Variants in IL1RL1 observed in about 807,000 individuals in gnomAD.
The protein encoded by IL1RL1 is interleukin-1 receptor-like 1.
IL1RL1 carries 32 observed loss-of-function variants against 50.9 expected under a neutral mutation model. The ratio of observed to expected loss-of-function variants is 0.63; its 90% CI spans 0.47 to 0.84. The LOEUF (loss-of-function observed/expected upper bound fraction) is 0.84, where lower values mean the gene tolerates loss of function less well. IL1RL1 is among the 40% of genes least tolerant of loss of function. The probability of loss-of-function intolerance (pLI) is 0.00; values close to 1 mark genes in which losing one functional copy is unlikely to be tolerated. For missense variants in IL1RL1, 773 were observed against 662.9 expected, an observed-to-expected ratio of 1.17 and a Z score of -1.82; for synonymous variants, 275 against 236.0, an observed-to-expected ratio of 1.17 and a Z score of -1.51.
chr2:102,336,329 C>A (rs1228410762), intron 1 of IL1RL1, among the ~76,000 whole-genome samples: 1 of 152,124 alleles, frequency 6.6e-6, no homozygotes, highest in East Asian at 1.9e-4. Context: ...AATAATAGCG[C>A]CTGCCACATT....
intron 1 of IL1RL1, chr2:102,313,024 T>C (rs982492014): frequency 2.0e-5 from 3 of 152,192 alleles, no homozygotes; most frequent in Non-Finnish European, 4.4e-5. Context: ...CATAATCATC[T>C]AATTTTGGCT....
At chr2:102,341,302 G>A in intron 5 of IL1RL1, 3 of 1,246,920 alleles carry the variant, frequency 2.4e-6, no homozygotes, top group Non-Finnish European at 3.1e-6. Flanking sequence ...CATAAATGTT[G>A]TCGAGTGGTT....
At chr2:102,312,972 C>T (rs1676561850) in intron 1 of IL1RL1, 1 of 152,062 alleles carries the variant, frequency 6.6e-6, no homozygotes, top group South Asian at 2.1e-4. Context: ...GATCCTGAGG[C>T]CAAACTATTC....
At chr2:102,337,259 G>T (rs759391248) in intron 1 of IL1RL1, 1 of 152,266 alleles carries the variant, frequency 6.6e-6, no homozygotes, top group Non-Finnish European at 1.5e-5. Context: ...TAGTCTATGA[G>T]GAGGGACCTA....
chr2:102,344,760 A>T, intron 8 of IL1RL1: 1 of 940,792 alleles, frequency 1.1e-6, no homozygotes, highest in Non-Finnish European at 1.3e-6. Flanking sequence ...GTACATTTCT[A>T]CTTCTCTAGC....
At chr2:102,321,973 G>C (rs1676850068) in intron 1 of IL1RL1, among the ~76,000 whole-genome samples, 1 of 152,188 alleles carries the variant, frequency 6.6e-6, no homozygotes, top group Non-Finnish European at 1.5e-5. Flanking sequence ...TCTCCAGAGA[G>C]ACAGAGCTAA....
At chr2:102,345,046 C>A in intron 8 of IL1RL1, 1 of 943,506 alleles carries the variant, frequency 1.1e-6, no homozygotes, top group Non-Finnish European at 1.3e-6. Flanking sequence ...TCACAAATAG[C>A]CAAAGCAGGG....
At chr2:102,316,782 CA>C (rs1676686413) in intron 1 of IL1RL1, among the ~76,000 whole-genome samples, 1 of 152,064 alleles carries the variant, frequency 6.6e-6, no homozygotes, top group Non-Finnish European at 1.5e-5. Flanking sequence ...ATTTAAGAGA[CA>C]AAATATTATA....
intron 8 of IL1RL1, chr2:102,343,676 T>C: frequency 7.3e-6 from 10 of 1,378,154 alleles, no homozygotes; most frequent in Non-Finnish European, 9.4e-6. Context: ...GCTGCTTCTT[T>C]GGTCATCCTT....
chr2:102,351,392 A>G, intron 10 of IL1RL1, 144 bp from the exon 11 acceptor site: 3 of 711,526 alleles, frequency 4.2e-6, no homozygotes, highest in Non-Finnish European at 6.9e-6. Context: ...CTCTATCCAC[A>G]CATACTTCCA....
At chr2:102,343,844 T>C (rs1677681842) in intron 8 of IL1RL1, 1 of 1,013,458 alleles carries the variant, frequency 9.9e-7, no homozygotes, top group Non-Finnish European at 1.2e-6. Context: ...TAATGAACAC[T>C]CATTTTGTTA....
Position 102,342,295 on chromosome 2 carries a change from G to C in IL1RL1, c.682+1G>C. The C allele has an allele frequency of 6.3e-7, 1 of 1,597,482 alleles. No homozygotes were observed. Among genetic ancestry groups the C allele is most frequent in the Non-Finnish European group, 8.6e-7 (1 of 1,165,214 alleles). On this transcript the variant is annotated splice_donor_variant, in intron 6 of 10. Transcript: ENST00000233954. LOFTEE classifies it high-confidence loss of function. ...AATGAAATAAAGGAAGTGGAAATTG[G>C]TAAGAAAATTTATCAGAATGCTGTA... is the stretch of plus-strand genomic sequence containing the variant.
In IL1RL1 at chr2:102,343,250, G is replaced by A. The variant is rs374124803; in HGVS notation, c.825-20G>A. On this transcript the variant is annotated intron_variant, in intron 7 of 10. Transcript: ENST00000233954. ...TGCACCTGCAAAGTAGGCATTAAAAGTAACAGGTTGCTTTCTTAGTTTCAG... is the reference window on the plus strand; with the variant it reads ...TGCACCTGCAAAGTAGGCATTAAAAATAACAGGTTGCTTTCTTAGTTTCAG... The A allele has an allele frequency of 6.2e-7, 1 of 1,614,168 alleles. No homozygotes were observed. Among genetic ancestry groups the A allele is most frequent in the Non-Finnish European group, 8.5e-7 (1 of 1,179,998 alleles).
chr2:102,350,921 A>G lies in IL1RL1; in HGVS notation c.1286-615A>G, dbSNP rs546939050. On this transcript the variant is annotated intron_variant, in intron 10 of 10. Coordinates refer to ENST00000233954, the MANE Select transcript of IL1RL1 (RefSeq NM_016232.5). ...GACTGGGTATTTCATGTTCTTTCTG[A>G]GTCCACCCAGAGCTAATTGGAATCA... Among the ~76,000 whole-genome samples the G allele has an allele frequency of 3.9e-5, 6 of 152,268 alleles. No individual in the cohort carries two copies. In the South Asian group the frequency reaches 1.2e-3, roughly 32 times the overall value.
intron 1 of IL1RL1, among the ~76,000 whole-genome samples, chr2:102,335,957 G>A (rs892330971): frequency 6.6e-5 from 10 of 152,020 alleles, no homozygotes; most frequent in African/African-American, 1.7e-4. Context: ...TCTAATTTAC[G>A]GCGAACATCT....
In IL1RL1 at chr2:102,348,027, A is replaced by T; in HGVS notation, c.1053A>T (p.Lys351Asn). The T allele has an allele frequency of 6.2e-7, 1 of 1,607,530 alleles. No individual in the cohort carries two copies. The highest frequency in any genetic ancestry group is 8.5e-7 in the Non-Finnish European group (1 of 1,174,022). The change falls in exon 9 of 11, where the codon AAA becomes AAT. Residue 351 changes from lysine to asparagine, a missense_variant. Coordinates refer to ENST00000233954, the MANE Select transcript of IL1RL1 (RefSeq NM_016232.5). Reference protein sequence around the residue: ...MLINVLVIILKMFWIEATLLW... With the variant: ...MLINVLVIILNMFWIEATLLW... The stretch of plus-strand genomic sequence containing the variant: ...TCAATGTCCTGGTTATCATCCTAAA[A>T]ATGTTCTGGATTGAGGCCACTCTGC...
chr2:102,330,695 A>C (rs1677151618), intron 1 of IL1RL1, among the ~76,000 whole-genome samples: 1 of 152,234 alleles, frequency 6.6e-6, no homozygotes, highest in Non-Finnish European at 1.5e-5. Flanking sequence ...TGAAGTATAG[A>C]TACAAGTCTT....
At chr2:102,350,685 G>A (rs925092891) in intron 10 of IL1RL1, among the ~76,000 whole-genome samples, 1 of 152,222 alleles carries the variant, frequency 6.6e-6, no homozygotes, top group African/African-American at 2.4e-5. Flanking sequence ...TCCAGGCTGG[G>A]TTTGGCCAAT....
chr2:102,312,854 C>A (rs1417930167), intron 1 of IL1RL1: 2 of 152,238 alleles, frequency 1.3e-5, no homozygotes, highest in South Asian at 2.1e-4. Flanking sequence ...CATAGCAGAA[C>A]TGGCCCCCAA....
Sources: allele counts gnomAD v4.1 joint callset (sites outside exome capture counted in the v4.1 genomes callset), GRCh38; gene constraint gnomAD v4.1.1; transcripts MANE v1.5; gene names NCBI Gene and HGNC (gene_info 2026-07-23, HGNC 2026-07-21).